The following SIDT1 variants were observed in gnomAD, a reference collection of about 807,000 sequenced individuals.
SIDT1 encodes SID1 transmembrane family, member 1.
Under a neutral mutation model 107.5 loss-of-function variants are expected in SIDT1, and 101 were observed. That is an observed-to-expected ratio of 0.94 (90% CI 0.80 to 1.11). The LOEUF (loss-of-function observed/expected upper bound fraction) is 1.11, where lower values mean the gene tolerates loss of function less well. Among genes scored for constraint, SIDT1 ranks in the 50% least tolerant of loss-of-function variants. The probability of loss-of-function intolerance (pLI) is 0.00; values close to 1 mark genes in which losing one functional copy is unlikely to be tolerated. For missense variants in SIDT1, 1,076 were observed against 1,058.2 expected (o/e 1.02, Z -0.23); for synonymous variants, 395 against 398.2 (o/e 0.99, Z 0.10).
In SIDT1 at chr3:113,534,086, A is replaced by G. The variant is rs72950829; in HGVS notation, c.222+843A>G. Among the ~76,000 whole-genome samples the G allele has an allele frequency of 7.4e-3, 1,131 of 152,240 alleles. 14 individuals are homozygous for G. The highest frequency in any genetic ancestry group is 0.026 in the African/African-American group (1,092 of 41,520). Reference sequence around the variant, plus strand: ...GAGAGAGAGGGAGACAGAGAGAGAAAGAGAGAAAGAGAGACAGAGACAGAG... The same window carrying G: ...GAGAGAGAGGGAGACAGAGAGAGAAGGAGAGAAAGAGAGACAGAGACAGAG... On this transcript the variant is annotated intron_variant, in intron 1 of 24. Transcript: ENST00000264852.
chr3:113,568,324 G>A (rs1942109212), intron 3 of SIDT1, among the ~76,000 whole-genome samples: 1 of 152,058 alleles, frequency 6.6e-6, no homozygotes, highest in South Asian at 2.1e-4. Context: ...GGCCGGGTGT[G>A]GTGGCTCACT....
intron 1 of SIDT1, among the ~76,000 whole-genome samples, chr3:113,547,020 T>C (rs2107632458): frequency 6.6e-6 from 1 of 152,270 alleles, no homozygotes; most frequent in Middle Eastern, 3.4e-3. Flanking sequence ...ATATCAAGCA[T>C]ATCATGGATC....
rs563394994 is a variant in SIDT1 at position 113,543,243 on chromosome 3, A to G, written c.222+10000A>G. ...GGTGTGAGCCACCACGCCCAGCCCAATTAGTTAGTTTTGAGAATTCATGAG... is the reference window on the plus strand; with the variant it reads ...GGTGTGAGCCACCACGCCCAGCCCAGTTAGTTAGTTTTGAGAATTCATGAG... On this transcript the variant is annotated intron_variant, in intron 1 of 24. Transcript: ENST00000264852. Among the ~76,000 whole-genome samples the G allele has an allele frequency of 1.9e-3, 284 of 152,118 alleles. 1 individual carries two copies. The highest frequency in any genetic ancestry group is 6.4e-3 in the African/African-American group (266 of 41,488).
chr3:113,567,546 G>A lies in SIDT1; in HGVS notation c.351G>A (p.Gln117=). The change falls in exon 3 of 25, where the codon CAG becomes CAA. Residue 117 remains glutamine (Q), a synonymous_variant. Transcript: ENST00000264852. ...CCTATATTGGCTGCTTCAGATACCA[G>A]AGGAGCTACAACTATCAAGAAGTGA... ...QVPLLFQGLY[Q]RSYNYQEVSR... The A allele has an allele frequency of 6.2e-7, 1 of 1,612,112 alleles. No individual in the cohort carries two copies. Among genetic ancestry groups the A allele is most frequent in the Non-Finnish European group, 8.5e-7 (1 of 1,179,116 alleles).
chr3:113,580,780 G>C, intron 5 of SIDT1, 71 bp downstream of exon 5: 1 of 994,388 alleles, frequency 1.0e-6, no homozygotes, highest in South Asian at 1.3e-5. Context: ...GAAAGAGAAG[G>C]GTGGAAGCAT....
rs1294452567 is a variant in SIDT1, at chr3:113,584,681, T to A, written c.836-17T>A. The A allele has an allele frequency of 6.4e-6, 10 of 1,562,334 alleles. No individual in the cohort carries two copies. The highest frequency in any genetic ancestry group is 8.7e-6 in the Non-Finnish European group (10 of 1,148,724). On this transcript the variant is annotated splice_polypyrimidine_tract_variant and intron_variant, in intron 7 of 24. Coordinates refer to ENST00000264852, the MANE Select transcript of SIDT1 (RefSeq NM_017699.3). ...GATTCAATGTGCTTTGTTCTTTTTT[T>A]ATTTTTTTTAAACCAGAAAAGGAAA...
At chr3:113,590,360 C>T (rs531236369) in intron 9 of SIDT1, among the ~76,000 whole-genome samples, 2 of 152,278 alleles carry the variant, frequency 1.3e-5, no homozygotes, top group South Asian at 2.1e-4. Flanking sequence ...ACTTCTGGTC[C>T]CCAACTTTCC....
intron 12 of SIDT1, 62 bp downstream of exon 12, chr3:113,603,212 T>A: frequency 6.7e-7 from 1 of 1,502,168 alleles, no homozygotes; most frequent in Non-Finnish European, 9.1e-7. Flanking sequence ...AGAATAAACT[T>A]CAGCAATACC....
intron 1 of SIDT1, among the ~76,000 whole-genome samples, chr3:113,535,948 A>T (rs1203419388): frequency 6.6e-6 from 1 of 152,200 alleles, no homozygotes; most frequent in African/African-American, 2.4e-5. Context: ...CCTGCATAAG[A>T]TATCAGCAGC....
In SIDT1 at chr3:113,601,581, T is replaced by G. The variant is rs1944962372; in HGVS notation, c.1046-7T>G. 2 of 1,613,044 alleles carry G rather than the reference T, an allele frequency of 1.2e-6. No individual in the cohort carries two copies. Among genetic ancestry groups the G allele is most frequent in the East Asian group, 4.5e-5 (2 of 44,878 alleles). On this transcript the variant is annotated splice_region_variant and splice_polypyrimidine_tract_variant and intron_variant, in intron 10 of 24. Coordinates refer to ENST00000264852, the MANE Select transcript of SIDT1 (RefSeq NM_017699.3). ...TAAAGTGTTTGCCTCTTCACTTTTT[T>G]TAACAGGCTCTGGAAATATGGTGGC...
At chr3:113,607,620 C>G (rs1459209718) in intron 15 of SIDT1, among the ~76,000 whole-genome samples, 1 of 152,232 alleles carries the variant, frequency 6.6e-6, no homozygotes, top group Non-Finnish European at 1.5e-5. Flanking sequence ...AGTCTAGCCT[C>G]TTGCTCCAGA....
rs1937677423 is a variant in SIDT1 at position 113,533,258 on chromosome 3, C to T, written c.222+15C>T. ...AGCCCGACCAGGTAAGACACTCGCTCCCCTCGCTCGACTCCTAGAACTTGC... is the reference window on the plus strand; with the variant it reads ...AGCCCGACCAGGTAAGACACTCGCTTCCCTCGCTCGACTCCTAGAACTTGC... On this transcript the variant is annotated intron_variant, in intron 1 of 24. Transcript: ENST00000264852. 1 of 1,435,536 alleles carries T rather than the reference C, an allele frequency of 7.0e-7. No homozygotes were observed. Among genetic ancestry groups the T allele is most frequent in the Middle Eastern group, 1.9e-4 (1 of 5,402 alleles). 88.9% of individuals were successfully genotyped at this position (1,435,536 alleles called of 1,614,324 possible).
chr3:113,583,104 A>G (rs757515890), intron 6 of SIDT1, among the ~76,000 whole-genome samples: 1 of 152,238 alleles, frequency 6.6e-6, no homozygotes, highest in Non-Finnish European at 1.5e-5. Flanking sequence ...GTTATTAAAC[A>G]TAGGCTATTC....
chr3:113,546,779 CA>C, intron 1 of SIDT1, among the ~76,000 whole-genome samples: 1 of 152,302 alleles, frequency 6.6e-6, no homozygotes, highest in Non-Finnish European at 1.5e-5. Context: ...AAGATACCAG[CA>C]TTTCTTTCTT....
chr3:113,606,717 G>A, intron 14 of SIDT1: 1 of 220,370 alleles, frequency 4.5e-6, no homozygotes, highest in Non-Finnish European at 9.1e-6. Flanking sequence ...TAGTGTGACA[G>A]TCCTGAAAGG....
At chr3:113,625,600 G>T (rs912859658) in intron 23 of SIDT1, among the ~76,000 whole-genome samples, 3 of 152,322 alleles carry the variant, frequency 2.0e-5, no homozygotes, top group African/African-American at 7.2e-5. Flanking sequence ...TTTAACAGGG[G>T]TAAGATGATA....
chr3:113,588,095 A>G (rs1943872841), intron 9 of SIDT1, among the ~76,000 whole-genome samples: 1 of 152,204 alleles, frequency 6.6e-6, no homozygotes. Flanking sequence ...TAACATACAA[A>G]CAGACAAGTT....
Position 113,588,570 on chromosome 3 carries a change from T to G in SIDT1, c.1001+3300T>G, listed in dbSNP as rs558716262. Reference sequence around the variant, plus strand: ...GTAAGAATCCAAAGTGTCTTCATACTGTATTAGCCTGAAACTAAACACTAT... The same window carrying G: ...GTAAGAATCCAAAGTGTCTTCATACGGTATTAGCCTGAAACTAAACACTAT... On this transcript the variant is annotated intron_variant, in intron 9 of 24. Transcript: ENST00000264852. 1.4e-4 allele frequency among the ~76,000 whole-genome samples: 22 copies of G among 152,326 alleles called. No homozygotes were observed. The South Asian group carries it at 4.1e-3, about 29-fold the overall frequency.
intron 24 of SIDT1, 55 bp from the exon 25 acceptor site, chr3:113,627,591 C>T: frequency 6.5e-7 from 1 of 1,548,010 alleles, no homozygotes; most frequent in Non-Finnish European, 8.9e-7. Context: ...GAAAACAGGA[C>T]TTAGTGTGAC....
Sources: gnomAD v4.1 joint callset for allele counts (sites outside exome capture counted in the v4.1 genomes callset) on GRCh38, gnomAD v4.1.1 for gene constraint, MANE v1.5 for transcripts, NCBI Gene and HGNC (gene_info 2026-07-23, HGNC 2026-07-21) for gene names.